Variants in FER1L6 observed in about 807,000 individuals in gnomAD.
FER1L6 encodes fer-1-like protein 6.
In FER1L6, 177 loss-of-function variants were observed where a neutral mutation model predicts 219.2. The ratio of observed to expected loss-of-function variants is 0.81; its 90% confidence interval spans 0.71 to 0.91. FER1L6 has a LOEUF of 0.91. Among genes scored for constraint, FER1L6 ranks in the 40% least tolerant of loss-of-function variants. FER1L6 has a pLI of 0.00. For synonymous variants in FER1L6, 768 were observed against 824.3 expected, an observed-to-expected ratio of 0.93 and a Z score of 1.17; for missense variants, 2,153 against 2,259.9, an observed-to-expected ratio of 0.95 and a Z score of 0.96.
intron 19 of FER1L6, 21 bp from the exon 20 acceptor site, chr8:124,039,861 C>T (rs769646457): frequency 6.2e-7 from 1 of 1,614,010 alleles, no homozygotes; most frequent in East Asian, 2.2e-5. Context: ...ACACCTGCCC[C>T]CTTCCATGAT....
intron 33 of FER1L6, among the ~76,000 whole-genome samples, chr8:124,084,993 T>C (rs1393152593): frequency 6.6e-6 from 1 of 152,162 alleles, no homozygotes; most frequent in Non-Finnish European, 1.5e-5. Flanking sequence ...GTAGGTTGTA[T>C]GTTTCTAGGA....
intron 16 of FER1L6, among the ~76,000 whole-genome samples, chr8:124,018,283 C>T (rs1473127904): frequency 6.6e-6 from 1 of 152,188 alleles, no homozygotes; most frequent in East Asian, 1.9e-4. Flanking sequence ...CACCAAGGGA[C>T]ATTTCATGTG....
intron 28 of FER1L6, 103 bp from the exon 29 acceptor site, chr8:124,069,257 G>T: frequency 1.1e-6 from 1 of 876,666 alleles, no homozygotes; most frequent in Non-Finnish European, 1.9e-6. Context: ...TTTCTGAAGG[G>T]TCACAACATA....
rs140437660 is a variant in FER1L6 at position 124,010,815 on chromosome 8, C to T, written c.1821+101C>T. The T allele has an allele frequency of 1.1e-3, 1,555 of 1,465,404 alleles. 18 individuals carry two copies. In the African/African-American group the frequency reaches 0.019, roughly 18 times the overall value. The allele number at this position is 1,465,404 out of a possible 1,614,324, so 90.8% of individuals were successfully genotyped here. On this transcript the variant is annotated intron_variant, in intron 14 of 40. Coordinates refer to ENST00000522917, the MANE Select transcript of FER1L6 (RefSeq NM_001039112.2). ...TAGAGGATGTTGACCTCAGTTCAAA[C>T]ACAAATAAATTGAGGATGCTGCATT... is the stretch of plus-strand genomic sequence containing the variant.
chr8:123,916,197 A>G (rs571952472), intron 1 of FER1L6, among the ~76,000 whole-genome samples: 56 of 152,246 alleles, frequency 3.7e-4, no homozygotes, highest in African/African-American at 1.3e-3. Context: ...GTCTTCTTGG[A>G]GCTTTCCACT....
At position 123,977,512 on chromosome 8, in the gene FER1L6, A is replaced by C. The variant is rs752920188; in HGVS notation, c.966A>C (p.Lys322Asn). Residue 322 changes from lysine to asparagine, a missense_variant, in exon 10 of 41, where the codon AAA (lysine) becomes AAC (asparagine). Physicochemically the swap from Lys to Asn is moderately conservative, Grantham distance 94. Transcript: ENST00000522917. ...EMFPPLCRRV[K>N]IQVWDEGSMN... ...TCCCTCCCTTGTGTCGGAGGGTGAA[A>C]ATCCAGGTGTGGGATGAAGGCAGCA... The C allele has an allele frequency of 1.2e-6, 2 of 1,613,984 alleles. No individual in the cohort carries two copies. The highest frequency in any genetic ancestry group is 3.3e-5 in the Admixed American group (2 of 59,996).
chr8:123,972,508 C>T (rs1183791130), intron 6 of FER1L6, among the ~76,000 whole-genome samples: 3 of 152,204 alleles, frequency 2.0e-5, no homozygotes, highest in Non-Finnish European at 4.4e-5. Context: ...TCCTTCTCCT[C>T]TTCCTTTACT....
At position 123,986,152 on chromosome 8, in the gene FER1L6, C is replaced by A; in HGVS notation, c.1495C>A (p.Pro499Thr). The A allele has an allele frequency of 6.2e-7, 1 of 1,611,580 alleles. No homozygotes were observed. ...TMIDRKIGDK[P>T]ISFEVSIGNF... ...GATTGACCGGAAGATTGGAGATAAA[C>A]CCATCAGCTTTGAAGTTTCTATTGG... The change falls in exon 12 of 41, where the codon CCC becomes ACC. Residue 499 changes from proline (P) to threonine (T), a missense_variant. Pro to Thr is a conservative substitution (Grantham distance 38). Transcript: ENST00000522917.
chr8:124,118,473 A>C (rs921686983), intron 39 of FER1L6, among the ~76,000 whole-genome samples: 1 of 152,238 alleles, frequency 6.6e-6, no homozygotes, highest in African/African-American at 2.4e-5. Flanking sequence ...CAGAGAAGAC[A>C]GACTGTATCG....
intron 12 of FER1L6, among the ~76,000 whole-genome samples, chr8:123,991,638 C>T (rs1680070142): frequency 6.6e-6 from 1 of 152,116 alleles, no homozygotes; most frequent in African/African-American, 2.4e-5. Flanking sequence ...CATTAGCAAA[C>T]TGCAATAGTT....
chr8:123,884,818 G>A (rs1226696008), intron 1 of FER1L6, among the ~76,000 whole-genome samples: 1 of 152,126 alleles, frequency 6.6e-6, no homozygotes, highest in Non-Finnish European at 1.5e-5. Flanking sequence ...TGCTCCATCT[G>A]CATATGCTTT....
Position 124,060,294 on chromosome 8 carries a change from C to T in FER1L6, c.2985+4C>T, listed in dbSNP as rs369071883. The T allele has an allele frequency of 2.0e-5, 32 of 1,613,384 alleles. No individual in the cohort carries two copies. Among genetic ancestry groups the T allele is most frequent in the African/African-American group, 4.0e-5 (3 of 74,986 alleles). On this transcript the variant is annotated splice_donor_region_variant and intron_variant, in intron 23 of 40. Transcript: ENST00000522917. The stretch of plus-strand genomic sequence containing the variant: ...GCTGAGCAAATACCGAGTGGAGGTA[C>T]GGGTCAGCGGAGGAGCTGAGTTGTT...
chr8:124,107,855 G>A (rs919878415), intron 39 of FER1L6, among the ~76,000 whole-genome samples: 3 of 152,118 alleles, frequency 2.0e-5, no homozygotes, highest in Non-Finnish European at 2.9e-5. Context: ...ACCTCTTATA[G>A]TCCTAGCATA....
chr8:124,070,320 T>C, intron 29 of FER1L6, 147 bp from the exon 30 acceptor site: 1 of 776,774 alleles, frequency 1.3e-6, no homozygotes, highest in Non-Finnish European at 2.0e-6. Flanking sequence ...CCACGTTCCT[T>C]ATCTCACTGA....
At position 124,045,891 on chromosome 8, in the gene FER1L6, G is replaced by T; in HGVS notation, c.2714G>T (p.Ser905Ile). 6.2e-7 allele frequency: 1 copy of T among 1,613,872 alleles called. No homozygotes were observed. Among genetic ancestry groups the T allele is most frequent in the African/African-American group, 1.3e-5 (1 of 75,032 alleles). The part of the protein sequence containing the change: ...PPLVVVELYD[S>I]DAVGKPEYLG... Reference sequence around the variant, plus strand: ...TTAGTGGTGGTGGAGCTGTATGACAGCGACGCTGTGGTGAGTGTCCCCCTG... The same window carrying T: ...TTAGTGGTGGTGGAGCTGTATGACATCGACGCTGTGGTGAGTGTCCCCCTG... The change falls in exon 21 of 41, where the codon AGC becomes ATC. Residue 905 changes from serine to isoleucine, a missense_variant. Ser to Ile is a moderately radical substitution (Grantham distance 142). Coordinates refer to ENST00000522917, the MANE Select transcript of FER1L6 (RefSeq NM_001039112.2).
chr8:123,855,714 C>T (rs1484287486), intron 1 of FER1L6, among the ~76,000 whole-genome samples: 1 of 103,310 alleles, frequency 9.7e-6, no homozygotes, highest in Non-Finnish European at 2.1e-5. Context: ...TATGTACACA[C>T]ACACACACAC....
intron 1 of FER1L6, among the ~76,000 whole-genome samples, chr8:123,898,732 G>C (rs139619545): frequency 7.4e-6 from 1 of 135,054 alleles, no homozygotes; most frequent in African/African-American, 2.8e-5. Flanking sequence ...TGTATATATA[G>C]TATATATACA....
intron 1 of FER1L6, among the ~76,000 whole-genome samples, chr8:123,901,202 G>A (rs1409518796): frequency 6.6e-6 from 1 of 152,100 alleles, no homozygotes; most frequent in Non-Finnish European, 1.5e-5. Context: ...GGTCTGTTCA[G>A]GATATCTAAT....
Position 124,064,723 on chromosome 8 carries a change from G to A in FER1L6, c.3555+150G>A. ...TCATCCTTTGTAAAATGAGGATACTGTTACCCACTTCACAGCTTTGTTATA... is the reference window on the plus strand; with the variant it reads ...TCATCCTTTGTAAAATGAGGATACTATTACCCACTTCACAGCTTTGTTATA... On this transcript the variant is annotated intron_variant, in intron 26 of 40. Coordinates refer to ENST00000522917, the MANE Select transcript of FER1L6 (RefSeq NM_001039112.2). 5.6e-6 allele frequency: 4 copies of A among 713,706 alleles called. No homozygotes were observed. In the East Asian group the frequency reaches 1.1e-4, roughly 20 times the overall value. 44.2% of individuals were successfully genotyped at this position (713,706 alleles called of 1,614,324 possible). A position where few individuals can be genotyped will look rare whatever the true frequency, so the allele number is the denominator to read the frequency against.
Sources: allele counts gnomAD v4.1 joint callset (sites outside exome capture counted in the v4.1 genomes callset), GRCh38; gene constraint gnomAD v4.1.1; transcripts MANE v1.5; gene names NCBI Gene and HGNC (gene_info 2026-07-23, HGNC 2026-07-21).